The following LMBR1L variants were observed in gnomAD, a reference collection of about 807,000 sequenced individuals.
LMBR1L encodes limb development membrane protein 1 like.
A neutral mutation model predicts 67.3 loss-of-function variants in LMBR1L; 47 were observed. The observed-to-expected ratio is 0.70, with a 90% CI of 0.55 to 0.89. LMBR1L has a LOEUF of 0.89. Among genes scored for constraint, LMBR1L ranks in the 40% least tolerant of loss-of-function variants. The pLI is 0.00. For synonymous variants in LMBR1L, 247 were observed against 250.3 expected, an observed-to-expected ratio of 0.99 and a Z score of 0.13; for missense variants, 533 against 599.2, an observed-to-expected ratio of 0.89 and a Z score of 1.15.
In LMBR1L at chr12:49,098,038, C is replaced by A. The variant is rs774150407; in HGVS notation, c.1308G>T (p.Val436=). 2 of 1,614,152 alleles carry A rather than the reference C, an allele frequency of 1.2e-6. No homozygotes were observed. The highest frequency in any genetic ancestry group is 2.2e-5 in the South Asian group (2 of 91,086). The change falls in exon 16 of 17, where the codon GTG becomes GTT. Residue 436 remains valine (V), a synonymous_variant. Transcript: ENST00000267102. ...RFNWLGNFYI[V]FLYNAAFAGL... The stretch of plus-strand genomic sequence containing the variant: ...CTGCAAAGGCTGCGTTGTAGAGGAA[C>A]ACAATGTAGAAATTGCCCAGCCAGT...
chr12:49,098,236 C>T, intron 15 of LMBR1L, 131 bp from the exon 16 acceptor site: 1 of 938,458 alleles, frequency 1.1e-6, no homozygotes, highest in Non-Finnish European at 1.6e-6. Context: ...CCAATTCTAC[C>T]ACCCAAGCTG....
chr12:49,106,138 C>T (rs1592222199), intron 2 of LMBR1L, 181 bp from the exon 3 acceptor site: 2 of 577,904 alleles, frequency 3.5e-6, no homozygotes, highest in Admixed American at 3.4e-5. Flanking sequence ...GCCAAGGTGG[C>T]AGCTTAAAAA....
At chr12:49,101,011 G>A (rs951367820) in intron 13 of LMBR1L, 2 of 807,064 alleles carry the variant, frequency 2.5e-6, no homozygotes, top group Non-Finnish European at 3.7e-6. Context: ...TTACAGGTGT[G>A]AGCCACTGCA....
chr12:49,104,334 G>A, intron 5 of LMBR1L, 114 bp downstream of exon 5: 1 of 792,258 alleles, frequency 1.3e-6, no homozygotes, highest in Non-Finnish European at 2.1e-6. Context: ...TGTCACTAGA[G>A]CCTCAAACTT....
At chr12:49,109,559 CTAACA>C (rs1292854608) in intron 1 of LMBR1L, among the ~76,000 whole-genome samples, 1 of 152,220 alleles carries the variant, frequency 6.6e-6, no homozygotes, top group Non-Finnish European at 1.5e-5. Context: ...CCCACACTTA[CTAACA>C]TTTCTTTCTG....
In LMBR1L at chr12:49,110,580, G is replaced by A. The variant is rs1025919771; in HGVS notation, c.-25C>T. On this transcript the variant is annotated 5_prime_UTR_variant, in exon 1 of 17. Coordinates refer to ENST00000267102, the MANE Select transcript of LMBR1L (RefSeq NM_018113.4). ...TACTCTGCTCAGCATGACTGAAGCCGAGGTGCCTCTGGGCCCGGGGAGGAC... is the reference window on the plus strand; with the variant it reads ...TACTCTGCTCAGCATGACTGAAGCCAAGGTGCCTCTGGGCCCGGGGAGGAC... 1.2e-5 allele frequency: 20 copies of A among 1,610,018 alleles called. No homozygotes were observed. The highest frequency in any genetic ancestry group is 1.5e-5 in the Non-Finnish European group (18 of 1,176,568).
chr12:49,105,606 G>C (rs1940797311), intron 3 of LMBR1L, among the ~76,000 whole-genome samples: 1 of 152,044 alleles, frequency 6.6e-6, no homozygotes, highest in Non-Finnish European at 1.5e-5. Flanking sequence ...TTCCATCAAT[G>C]TGCATCCCCA....
rs375513481 is a variant in LMBR1L, at chr12:49,102,287, A to G, written c.853+6T>C. Reference sequence around the variant, plus strand: ...CAGGTATCCCAAGCCCTACGAAGCCACATACCCAGCAGGACCCTCTGTGTC... The same window carrying G: ...CAGGTATCCCAAGCCCTACGAAGCCGCATACCCAGCAGGACCCTCTGTGTC... On this transcript the variant is annotated splice_donor_region_variant and intron_variant, in intron 10 of 16. Coordinates refer to ENST00000267102, the MANE Select transcript of LMBR1L (RefSeq NM_018113.4). 6.2e-7 allele frequency: 1 copy of G among 1,614,102 alleles called. No homozygotes were observed. Among genetic ancestry groups the G allele is most frequent in the Non-Finnish European group, 8.5e-7 (1 of 1,179,948 alleles).
chr12:49,100,992 G>T, intron 13 of LMBR1L: 1 of 680,554 alleles, frequency 1.5e-6, no homozygotes, highest in Non-Finnish European at 2.3e-6. Context: ...GCCTCCCAAA[G>T]TGCTAGGATT....
intron 15 of LMBR1L, among the ~76,000 whole-genome samples, chr12:49,099,383 A>T (rs576988754): frequency 6.6e-6 from 1 of 151,444 alleles, no homozygotes; most frequent in South Asian, 2.1e-4. Context: ...TCCTGGCCTC[A>T]AGCTGATCTG....
chr12:49,109,893 TCAAA>T, intron 1 of LMBR1L: 1 of 402,768 alleles, frequency 2.5e-6, no homozygotes, highest in South Asian at 1.8e-5. Flanking sequence ...TTGCAGGGTT[TCAAA>T]CAAACACCAA....
rs748942557 is a variant in LMBR1L at position 49,098,031 on chromosome 12, A to G, written c.1315T>C (p.Tyr439His). The G allele has an allele frequency of 1.9e-6, 3 of 1,614,156 alleles. No individual in the cohort carries two copies. The Admixed American group carries it at 5.0e-5, about 27-fold the overall frequency. The part of the protein sequence containing the change: ...WLGNFYIVFL[Y>H]NAAFAGLTTL... ...GTGAGGCCTGCAAAGGCTGCGTTGT[A>G]GAGGAACACAATGTAGAAATTGCCC... The change falls in exon 16 of 17, where the codon TAC becomes CAC. Residue 439 changes from tyrosine to histidine, a missense_variant. Coordinates refer to ENST00000267102, the MANE Select transcript of LMBR1L (RefSeq NM_018113.4).
intron 1 of LMBR1L, among the ~76,000 whole-genome samples, chr12:49,108,383 G>A (rs111419448): frequency 2.3e-3 from 347 of 152,186 alleles, no homozygotes; most frequent in Non-Finnish European, 3.6e-3. Flanking sequence ...CCAACATGGC[G>A]AAACCCTGTC....
In LMBR1L at chr12:49,105,970, G is replaced by T; in HGVS notation, c.158-13C>A. 6.2e-7 allele frequency: 1 copy of T among 1,612,692 alleles called. No individual in the cohort carries two copies. The highest frequency in any genetic ancestry group is 1.1e-5 in the South Asian group (1 of 90,872). On this transcript the variant is annotated splice_polypyrimidine_tract_variant and intron_variant, in intron 2 of 16. Coordinates refer to ENST00000267102, the MANE Select transcript of LMBR1L (RefSeq NM_018113.4). ...TCTTCATCATCCACTGTAAGAGACA[G>T]AGGCACGGGGAACAGGCAGGAGGAC...
chr12:49,106,880 C>T (rs908063270), intron 2 of LMBR1L, 81 bp downstream of exon 2: 3 of 1,151,176 alleles, frequency 2.6e-6, no homozygotes, highest in East Asian at 2.3e-5. Flanking sequence ...GCTCCTTTCC[C>T]AGTGGGTACC....
At chr12:49,101,145 G>A (rs762508007) in intron 13 of LMBR1L, 105 bp downstream of exon 13, 38 of 1,608,620 alleles carry the variant, frequency 2.4e-5, no homozygotes, top group Non-Finnish European at 2.7e-5. Flanking sequence ...TCCCATCAGC[G>A]TTGCTCAGAG....
chr12:49,107,134 A>G, intron 1 of LMBR1L, 89 bp from the exon 2 acceptor site: 1 of 845,652 alleles, frequency 1.2e-6, no homozygotes, highest in Non-Finnish European at 2.0e-6. Flanking sequence ...CCAGGCCATC[A>G]CTTCCTCAAG....
intron 15 of LMBR1L, among the ~76,000 whole-genome samples, chr12:49,098,800 G>A (rs1449126914): frequency 6.6e-6 from 1 of 152,092 alleles, no homozygotes; most frequent in African/African-American, 2.4e-5. Flanking sequence ...ATGAAATAGA[G>A]CTGTTTTTTG....
chr12:49,101,643 T>C (rs1325444586), intron 11 of LMBR1L, 94 bp from the exon 12 acceptor site: 7 of 856,288 alleles, frequency 8.2e-6, no homozygotes, highest in Non-Finnish European at 1.3e-5. Context: ...ACATTTTCAG[T>C]TTCCAAGACT....
Sources: gnomAD v4.1 joint callset for allele counts (sites outside exome capture counted in the v4.1 genomes callset) on GRCh38, gnomAD v4.1.1 for gene constraint, MANE v1.5 for transcripts, NCBI Gene and HGNC (gene_info 2026-07-23, HGNC 2026-07-21) for gene names.